Variants in KCNQ1 observed in about 807,000 individuals in gnomAD.
KCNQ1 encodes the protein potassium voltage-gated channel subfamily Q member 1.
Under a neutral mutation model 72.4 loss-of-function variants are expected in KCNQ1, and 49 were observed. That is an observed-to-expected ratio of 0.68 (90% CI 0.54 to 0.86). The LOEUF (loss-of-function observed/expected upper bound fraction) is 0.86, where lower values mean the gene tolerates loss of function less well. Among genes scored for constraint, KCNQ1 ranks in the 40% least tolerant of loss-of-function variants. The probability of loss-of-function intolerance (pLI) is 0.00; values close to 1 mark genes in which losing one functional copy is unlikely to be tolerated. For missense variants in KCNQ1, 790 were observed against 945.1 expected, an observed-to-expected ratio of 0.84 and a Z score of 2.15; for synonymous variants, 450 against 412.6, an observed-to-expected ratio of 1.09 and a Z score of -1.10.
chr11:2,719,110 T>C (rs901254536), intron 11 of KCNQ1, among the ~76,000 whole-genome samples: 1 of 152,066 alleles, frequency 6.6e-6, no homozygotes, highest in Non-Finnish European at 1.5e-5. Context: ...CAGAGCACCA[T>C]CTCCAGCCGT....
At position 2,678,776 on chromosome 11, in the gene KCNQ1, G is replaced by A. The variant is rs1289118965; in HGVS notation, c.1514+16695G>A. On this transcript the variant is annotated intron_variant, in intron 11 of 15. Transcript: ENST00000155840. This position sits in a 1 kb window ranked among gnomAD's most constrained non-coding sequence, Gnocchi z 4.9. The stretch of plus-strand genomic sequence containing the variant: ...GTGTTTGGGACTGAGGCTTCATCGT[G>A]GCAGCTAATAATGTCAGGGAGCATG... 1 of 398,478 alleles carries A rather than the reference G, an allele frequency of 2.5e-6. No individual in the cohort carries two copies. Among genetic ancestry groups the A allele is most frequent in the Non-Finnish European group, 4.4e-6 (1 of 226,078 alleles). The allele number at this position is 398,478 out of a possible 1,614,324, so 24.7% of individuals were successfully genotyped here. A position where few individuals can be genotyped will look rare whatever the true frequency, so the allele number is the denominator to read the frequency against.
At chr11:2,660,522 A>G in intron 10 of KCNQ1, 1 of 398,668 alleles carries the variant, frequency 2.5e-6, no homozygotes, top group Non-Finnish European at 4.4e-6. Context: ...AATGTCTGTA[A>G]TGTATAGAAA....
chr11:2,758,657 T>C (rs1049971533), intron 11 of KCNQ1, among the ~76,000 whole-genome samples: 1 of 152,198 alleles, frequency 6.6e-6, no homozygotes, highest in African/African-American at 2.4e-5. Context: ...GAACAATCTA[T>C]GTATCATTCA....
At position 2,617,906 on chromosome 11, in the gene KCNQ1, A is replaced by T. The variant is rs535084556; in HGVS notation, c.1393+29052A>T. ...ATCTATTTTCTTGTTATTGAGTTGT[A>T]TGCATTCCTTATAAATTTTGGATAT... On this transcript the variant is annotated intron_variant, in intron 10 of 15. Transcript: ENST00000155840. The surrounding 1 kb of genome is among the most constrained non-coding windows in gnomAD (Gnocchi z 4.6). The T allele has an allele frequency of 1.6e-4, 63 of 398,542 alleles. No individual in the cohort carries two copies. Among genetic ancestry groups the T allele is most frequent in the Admixed American group, 2.2e-4 (5 of 22,726 alleles). 24.7% of individuals were successfully genotyped at this position (398,542 alleles called of 1,614,324 possible).
Position 2,537,919 on chromosome 11 carries a change from T to C in KCNQ1, c.477+9901T>C, listed in dbSNP as rs1357981647. ...TTTGTAGAGATAGGGTTTTGCCATG[T>C]TACCTAGGCTGGTCTTAAACTCCTG... On this transcript the variant is annotated intron_variant, in intron 2 of 15. Transcript: ENST00000155840. This position sits in a 1 kb window ranked among gnomAD's most constrained non-coding sequence, Gnocchi z 5.2. 6.6e-6 allele frequency among the ~76,000 whole-genome samples: 1 copy of C among 152,180 alleles called. No homozygotes were observed. Among genetic ancestry groups the C allele is most frequent in the African/African-American group, 2.4e-5 (1 of 41,432 alleles).
At chr11:2,445,762 C>T (rs949751876) in intron 1 of KCNQ1, among the ~76,000 whole-genome samples, 1 of 152,160 alleles carries the variant, frequency 6.6e-6, no homozygotes, top group Non-Finnish European at 1.5e-5. Flanking sequence ...TCCACACCTC[C>T]GGGAGGGTAG....
At position 2,509,934 on chromosome 11, in the gene KCNQ1, T is replaced by C. The variant is rs1432565188; in HGVS notation, c.387-17994T>C. Among the ~76,000 whole-genome samples the C allele has an allele frequency of 6.6e-6, 1 of 152,082 alleles. No individual in the cohort carries two copies. Among genetic ancestry groups the C allele is most frequent in the African/African-American group, 2.4e-5 (1 of 41,420 alleles). ...CCCACTGCCAGGGCTGCCTCTCTCT[T>C]TAGATATGTCCTGGCATCTGACTTT... On this transcript the variant is annotated intron_variant, in intron 1 of 15. Coordinates refer to ENST00000155840, the MANE Select transcript of KCNQ1 (RefSeq NM_000218.3). This position sits in a 1 kb window ranked among gnomAD's most constrained non-coding sequence, Gnocchi z 6.3.
At chr11:2,533,806 C>G (rs1312986497) in intron 2 of KCNQ1, among the ~76,000 whole-genome samples, 6 of 152,336 alleles carry the variant, frequency 3.9e-5, no homozygotes, top group Admixed American at 2.6e-4. Context: ...TCTCCAGGAT[C>G]ACAGCTTTTG....
intron 10 of KCNQ1, chr11:2,632,487 T>C (rs2133818061): frequency 2.5e-6 from 1 of 398,450 alleles, no homozygotes; most frequent in South Asian, 1.3e-4. Flanking sequence ...ATGATGCTCC[T>C]TGTGGGTTTT....
At chr11:2,500,595 T>G (rs754717367) in intron 1 of KCNQ1, among the ~76,000 whole-genome samples, 1 of 152,162 alleles carries the variant, frequency 6.6e-6, no homozygotes, top group Non-Finnish European at 1.5e-5. Flanking sequence ...TGCACCACTA[T>G]TCACAATAGC....
At chr11:2,832,842 G>T (rs1439469407) in intron 15 of KCNQ1, among the ~76,000 whole-genome samples, 1 of 152,122 alleles carries the variant, frequency 6.6e-6, no homozygotes, top group Admixed American at 6.5e-5. Flanking sequence ...GGGGAAGGTG[G>T]CTGCCACCGC....
At position 2,458,229 on chromosome 11, in the gene KCNQ1, G is replaced by A. The variant is rs1846224097; in HGVS notation, c.386+12745G>A. Among the ~76,000 whole-genome samples the A allele has an allele frequency of 6.6e-6, 1 of 152,126 alleles. No individual in the cohort carries two copies. Among genetic ancestry groups the A allele is most frequent in the Admixed American group, 6.6e-5 (1 of 15,264 alleles). On this transcript the variant is annotated intron_variant, in intron 1 of 15. Transcript: ENST00000155840. This position sits in a 1 kb window ranked among gnomAD's most constrained non-coding sequence, Gnocchi z 4.6. ...CTCACTGAAAATAACAGAGGAAGTGGATGAGCTGCATTGATGGGGTTCAGA... is the reference window on the plus strand; with the variant it reads ...CTCACTGAAAATAACAGAGGAAGTGAATGAGCTGCATTGATGGGGTTCAGA...
intron 10 of KCNQ1, chr11:2,644,800 T>G (rs1849641451): frequency 5.0e-6 from 2 of 398,642 alleles, no homozygotes; most frequent in African/African-American, 2.1e-5. Flanking sequence ...TCCATGGAAT[T>G]TTTTTCAGCT....
In KCNQ1 at chr11:2,677,497, A is replaced by T. The variant is rs1264286579; in HGVS notation, c.1514+15416A>T. ...CCATGCCATACTTCTACAAAAAATGATCCTCTCTGTGGAAGTGCTGCCAAC... is the reference window on the plus strand; with the variant it reads ...CCATGCCATACTTCTACAAAAAATGTTCCTCTCTGTGGAAGTGCTGCCAAC... On this transcript the variant is annotated intron_variant, in intron 11 of 15. Transcript: ENST00000155840. This position sits in a 1 kb window ranked among gnomAD's most constrained non-coding sequence, Gnocchi z 4.5. The T allele has an allele frequency of 5.0e-6, 2 of 398,464 alleles. No homozygotes were observed. The highest frequency in any genetic ancestry group is 4.1e-5 in the African/African-American group (2 of 48,612). 24.7% of individuals were successfully genotyped at this position (398,464 alleles called of 1,614,324 possible). A position where few individuals can be genotyped will look rare whatever the true frequency, so the allele number is the denominator to read the frequency against.
Position 2,451,761 on chromosome 11 carries a change from T to C in KCNQ1, c.386+6277T>C, listed in dbSNP as rs192046434. 1.3e-3 allele frequency among the ~76,000 whole-genome samples: 199 copies of C among 152,176 alleles called. 1 individual carries two copies. Among genetic ancestry groups the C allele is most frequent in the African/African-American group, 4.6e-3 (193 of 41,524 alleles). The stretch of plus-strand genomic sequence containing the variant: ...CTGGGGCCTGGGCTCTGCTCCCCAT[T>C]TCGCTCCTCCACTCACAGATGAGGA... On this transcript the variant is annotated intron_variant, in intron 1 of 15. Transcript: ENST00000155840. The surrounding 1 kb of genome is among the most constrained non-coding windows in gnomAD (Gnocchi z 6.4).
chr11:2,584,730 G>A (rs1456801429), intron 7 of KCNQ1, among the ~76,000 whole-genome samples: 1 of 152,058 alleles, frequency 6.6e-6, no homozygotes, highest in Non-Finnish European at 1.5e-5. Flanking sequence ...GTGTGTGTGT[G>A]TGCATCACAC....
chr11:2,663,124 A>T lies in KCNQ1; in HGVS notation c.1514+1043A>T, dbSNP rs1468942623. 1 of 398,692 alleles carries T rather than the reference A, an allele frequency of 2.5e-6. No individual in the cohort carries two copies. Among genetic ancestry groups the T allele is most frequent in the South Asian group, 1.3e-4 (1 of 7,862 alleles). 24.7% of individuals were successfully genotyped at this position (398,692 alleles called of 1,614,324 possible). On this transcript the variant is annotated intron_variant, in intron 11 of 15. Coordinates refer to ENST00000155840, the MANE Select transcript of KCNQ1 (RefSeq NM_000218.3). This position sits in a 1 kb window ranked among gnomAD's most constrained non-coding sequence, Gnocchi z 5.2. The stretch of plus-strand genomic sequence containing the variant: ...GGAGTGGCTATCTTAAGGGGTAATT[A>T]TGATCAGACAGGACCTGCCCACTGT...
intron 1 of KCNQ1, among the ~76,000 whole-genome samples, chr11:2,465,878 G>A (rs1288551525): frequency 6.6e-6 from 1 of 152,216 alleles, no homozygotes; most frequent in Non-Finnish European, 1.5e-5. Context: ...TGGCTGGCAG[G>A]CAGGAGCTGT....
chr11:2,747,680 G>T (rs938944298), intron 11 of KCNQ1, among the ~76,000 whole-genome samples: 4 of 152,198 alleles, frequency 2.6e-5, no homozygotes, highest in African/African-American at 7.2e-5. Flanking sequence ...ACACGTCTGG[G>T]CAGGCTTCTT....
Sources: gnomAD v4.1 joint callset for allele counts (sites outside exome capture counted in the v4.1 genomes callset) on GRCh38, gnomAD v4.1.1 for gene constraint, Gnocchi (gnomAD v3.1) non-coding constraint, MANE v1.5 for transcripts, NCBI Gene and HGNC (gene_info 2026-07-23, HGNC 2026-07-21) for gene names.